Variants in PLCB1 observed in about 807,000 individuals in gnomAD.
The protein encoded by PLCB1 is phospholipase C beta 1.
Under a neutral mutation model 161.8 loss-of-function variants are expected in PLCB1, and 46 were observed. That is an observed-to-expected ratio of 0.28 (90% CI 0.22 to 0.36). The LOEUF (loss-of-function observed/expected upper bound fraction) is 0.36. PLCB1 is among the 10% of genes least tolerant of loss of function. PLCB1 has a pLI of 1.00. For missense variants in PLCB1, 1,016 were observed against 1,472.5 expected (o/e 0.69, Z 5.07); for synonymous variants, 517 against 503.7 (o/e 1.03, Z -0.35).
chr20:8,603,185 A>G (rs1353181950), intron 3 of PLCB1, among the ~76,000 whole-genome samples: 1 of 152,220 alleles, frequency 6.6e-6, no homozygotes, highest in Non-Finnish European at 1.5e-5. Context: ...AATGTGCCAG[A>G]AGAGAAATAC....
chr20:8,591,377 A>G (rs1469664853), intron 3 of PLCB1, among the ~76,000 whole-genome samples: 1 of 152,216 alleles, frequency 6.6e-6, no homozygotes, highest in African/African-American at 2.4e-5. Context: ...AAAGTAGATA[A>G]TAAGCAAAAG....
chr20:8,622,461 A>C (rs1988212641), intron 3 of PLCB1, among the ~76,000 whole-genome samples: 1 of 152,156 alleles, frequency 6.6e-6, no homozygotes, highest in Admixed American at 6.5e-5. Flanking sequence ...GTTCCCATAT[A>C]GTCCTAAGAA....
At chr20:8,259,879 A>G (rs1324930250) in intron 2 of PLCB1, among the ~76,000 whole-genome samples, 2 of 152,164 alleles carry the variant, frequency 1.3e-5, no homozygotes, top group Non-Finnish European at 2.9e-5. Context: ...GCACACAATC[A>G]TTACATTGAT....
chr20:8,338,734 G>A (rs139167559), intron 2 of PLCB1, among the ~76,000 whole-genome samples: 19 of 152,250 alleles, frequency 1.2e-4, no homozygotes, highest in African/African-American at 3.9e-4. Flanking sequence ...TAAACACAGC[G>A]TAGATTAAGA....
At chr20:8,275,877 T>C (rs1982516959) in intron 2 of PLCB1, among the ~76,000 whole-genome samples, 1 of 152,122 alleles carries the variant, frequency 6.6e-6, no homozygotes, top group Admixed American at 6.5e-5. Flanking sequence ...TTTTTTACTT[T>C]ATCTTTTGTC....
In PLCB1 at chr20:8,369,975, T is replaced by A. The variant is rs151305893; in HGVS notation, c.178-1407T>A. ...ACATTTGGAACTGGCAGCAGCTGTT[T>A]GAAGAAGTTGACTAAGAGCAAAAGG... On this transcript the variant is annotated intron_variant, in intron 2 of 31. Transcript: ENST00000338037. 7.0e-4 allele frequency among the ~76,000 whole-genome samples: 106 copies of A among 152,282 alleles called. 2 individuals are homozygous for A. The East Asian group carries it at 0.018, about 26-fold the overall frequency.
chr20:8,422,005 G>A (rs1037808927), intron 3 of PLCB1, among the ~76,000 whole-genome samples: 4 of 152,218 alleles, frequency 2.6e-5, no homozygotes, highest in African/African-American at 9.7e-5. Context: ...CTACAGGCAA[G>A]TTGTACCTGC....
chr20:8,491,383 C>T (rs1002487760), intron 3 of PLCB1, among the ~76,000 whole-genome samples: 4 of 152,104 alleles, frequency 2.6e-5, no homozygotes, highest in East Asian at 1.9e-4. Flanking sequence ...CAAATTTGAA[C>T]GTTTTTCAGA....
At chr20:8,429,941 C>T (rs1472969609) in intron 3 of PLCB1, among the ~76,000 whole-genome samples, 5 of 151,888 alleles carry the variant, frequency 3.3e-5, no homozygotes, top group African/African-American at 9.7e-5. Flanking sequence ...AGCCAGAATT[C>T]GAACATGGAT....
At chr20:8,318,461 T>C (rs550111582) in intron 2 of PLCB1, among the ~76,000 whole-genome samples, 3 of 148,676 alleles carry the variant, frequency 2.0e-5, no homozygotes, top group South Asian at 2.4e-4. Context: ...CCCCCCTTTT[T>C]CTTTGGTAGT....
intron 31 of PLCB1, among the ~76,000 whole-genome samples, chr20:8,836,806 G>C (rs187138676): frequency 6.6e-6 from 1 of 152,268 alleles, no homozygotes; most frequent in East Asian, 1.9e-4. Flanking sequence ...TGAGCTCAGG[G>C]TTTGAATTCC....
chr20:8,394,129 G>A lies in PLCB1; in HGVS notation c.246+22679G>A, dbSNP rs1307021289. Among the ~76,000 whole-genome samples, 5 of 151,960 alleles carry A rather than the reference G, an allele frequency of 3.3e-5. No individual in the cohort carries two copies. The East Asian group carries it at 5.8e-4, about 18-fold the overall frequency. ...CACAAGAATTTCATTTATTCCCATA[G>A]CACCTGGAATCTATGCTGGCATTTA... On this transcript the variant is annotated intron_variant, in intron 3 of 31. Transcript: ENST00000338037.
chr20:8,457,091 T>C (rs1981347753), intron 3 of PLCB1, among the ~76,000 whole-genome samples: 1 of 152,232 alleles, frequency 6.6e-6, no homozygotes, highest in African/African-American at 2.4e-5. Context: ...AACTGCACTT[T>C]TATATGATAA....
At chr20:8,527,140 A>G (rs1239450778) in intron 3 of PLCB1, among the ~76,000 whole-genome samples, 1 of 152,104 alleles carries the variant, frequency 6.6e-6, no homozygotes, top group Non-Finnish European at 1.5e-5. Context: ...AGGTAATTTT[A>G]TATCTTTTAG....
At chr20:8,198,941 C>G (rs1447320911) in intron 2 of PLCB1, among the ~76,000 whole-genome samples, 1 of 150,860 alleles carries the variant, frequency 6.6e-6, no homozygotes, top group Non-Finnish European at 1.5e-5. Context: ...CACACACAGA[C>G]AGACAGACAG....
intron 3 of PLCB1, among the ~76,000 whole-genome samples, chr20:8,539,664 C>CTTTTTCTT (rs1555768765): frequency 3.2e-5 from 3 of 93,746 alleles, no homozygotes; most frequent in African/African-American, 1.3e-4. Context: ...TTCTTTCTTT[C>CTTTTTCTT]TTTCTTTCTT....
At chr20:8,516,880 C>T (rs375349421) in intron 3 of PLCB1, among the ~76,000 whole-genome samples, 43 of 151,920 alleles carry the variant, frequency 2.8e-4, no homozygotes, top group Middle Eastern at 3.4e-3. Context: ...TACGGCTGTG[C>T]AGCTAAGTAC....
At chr20:8,424,880 G>C (rs924478379) in intron 3 of PLCB1, among the ~76,000 whole-genome samples, 2 of 152,124 alleles carry the variant, frequency 1.3e-5, no homozygotes, top group Non-Finnish European at 2.9e-5. Context: ...CACAGTGTGG[G>C]AATGGACTCG....
At chr20:8,297,201 A>T (rs758774825) in intron 2 of PLCB1, among the ~76,000 whole-genome samples, 1 of 152,156 alleles carries the variant, frequency 6.6e-6, no homozygotes, top group Non-Finnish European at 1.5e-5. Context: ...ATATTTATAC[A>T]TATGCATGTA....
Sources: allele counts gnomAD v4.1 joint callset (sites outside exome capture counted in the v4.1 genomes callset), GRCh38; gene constraint gnomAD v4.1.1; transcripts MANE v1.5; gene names NCBI Gene and HGNC (gene_info 2026-07-23, HGNC 2026-07-21).